Variants in PIAS1 observed in about 807,000 individuals in gnomAD.
The protein encoded by PIAS1 is protein inhibitor of activated STAT 1, also known as E3 SUMO-protein ligase PIAS1.
PIAS1 carries 6 observed loss-of-function variants against 71.3 expected under a neutral mutation model. That is an observed-to-expected ratio of 0.08 (90% confidence interval 0.05 to 0.17). PIAS1 has a LOEUF of 0.17. PIAS1 is among the 10% of genes least tolerant of loss of function. The pLI, the probability that PIAS1 is intolerant of heterozygous loss-of-function variation, is 1.00. For synonymous variants in PIAS1, 303 were observed against 292.9 expected (o/e 1.03, Z -0.35); for missense variants, 555 against 793.6 (o/e 0.70, Z 3.61).
intron 2 of PIAS1, among the ~76,000 whole-genome samples, chr15:68,131,596 T>C (rs889782055): frequency 1.3e-5 from 2 of 152,202 alleles, no homozygotes; most frequent in African/African-American, 4.8e-5. Flanking sequence ...GCATGCAGTA[T>C]TTGTCTTTCT....
At chr15:68,069,627 C>T (rs896685527) in intron 1 of PIAS1, among the ~76,000 whole-genome samples, 8 of 151,916 alleles carry the variant, frequency 5.3e-5, no homozygotes, top group African/African-American at 1.7e-4. Flanking sequence ...ACGGTGAAAC[C>T]GCGTCTCTAC....
rs891547582 is a variant in PIAS1 at position 68,189,465 on chromosome 15, T to C, written c.*1630T>C. ...TTTAAACCTTGCATTGGTAACAAAATGATCAACTTTAATCCAGGTAGAATT... is the reference window on the plus strand; with the variant it reads ...TTTAAACCTTGCATTGGTAACAAAACGATCAACTTTAATCCAGGTAGAATT... On this transcript the variant is annotated 3_prime_UTR_variant, in exon 14 of 14. Transcript: ENST00000249636. The C allele has an allele frequency of 6.6e-6, 1 of 152,200 alleles. No homozygotes were observed. The highest frequency in any genetic ancestry group is 1.5e-5 in the Non-Finnish European group (1 of 68,030). 9.4% of individuals were successfully genotyped at this position (152,200 alleles called of 1,614,324 possible). A position where few individuals can be genotyped will look rare whatever the true frequency, so the allele number is the denominator to read the frequency against.
intron 8 of PIAS1, among the ~76,000 whole-genome samples, chr15:68,166,817 T>C (rs1342968148): frequency 6.6e-6 from 1 of 152,234 alleles, no homozygotes; most frequent in African/African-American, 2.4e-5. Flanking sequence ...CATTTTGCTC[T>C]TTGCACCTTT....
chr15:68,142,797 A>G (rs1359988126), intron 4 of PIAS1, among the ~76,000 whole-genome samples: 3 of 152,148 alleles, frequency 2.0e-5, no homozygotes, highest in Non-Finnish European at 4.4e-5. Context: ...AGTACTGTGG[A>G]TAAGGAATTA....
intron 2 of PIAS1, among the ~76,000 whole-genome samples, chr15:68,111,666 A>G (rs1194873337): frequency 1.3e-5 from 2 of 152,196 alleles, no homozygotes; most frequent in African/African-American, 4.8e-5. Flanking sequence ...ATGCATAGAT[A>G]ATATTTAAAT....
chr15:68,099,016 G>A (rs375631997), intron 2 of PIAS1, among the ~76,000 whole-genome samples: 4 of 151,882 alleles, frequency 2.6e-5, no homozygotes, highest in African/African-American at 7.3e-5. Flanking sequence ...TTTTCCTCCT[G>A]TGCCTTCAAC....
At chr15:68,125,348 C>T (rs1361510933) in intron 2 of PIAS1, among the ~76,000 whole-genome samples, 3 of 152,158 alleles carry the variant, frequency 2.0e-5, no homozygotes, top group African/African-American at 7.2e-5. Flanking sequence ...ACACAGGATA[C>T]TCTGTCATCT....
chr15:68,117,036 A>T (rs999958511), intron 2 of PIAS1, among the ~76,000 whole-genome samples: 4 of 152,158 alleles, frequency 2.6e-5, no homozygotes, highest in African/African-American at 9.7e-5. Context: ...TGATGAGGAC[A>T]TTGAAAAACC....
At chr15:68,080,905 G>A (rs2092222707) in intron 1 of PIAS1, among the ~76,000 whole-genome samples, 1 of 152,166 alleles carries the variant, frequency 6.6e-6, no homozygotes, top group South Asian at 2.1e-4. Context: ...CCACTGCAGT[G>A]GGATGTGTGA....
intron 2 of PIAS1, among the ~76,000 whole-genome samples, chr15:68,127,693 A>T (rs771563205): frequency 1.3e-5 from 2 of 152,212 alleles, no homozygotes; most frequent in Non-Finnish European, 2.9e-5. Context: ...GAGTAAAAGA[A>T]GATGATGTGC....
intron 1 of PIAS1, among the ~76,000 whole-genome samples, chr15:68,082,131 T>G (rs1198542278): frequency 6.6e-6 from 1 of 152,064 alleles, no homozygotes; most frequent in Non-Finnish European, 1.5e-5. Flanking sequence ...TGAGCCAAAC[T>G]CAGTCGTAAG....
chr15:68,177,278 C>CAAAAAAAAAAAAAAAAAAAA (rs3083984), intron 11 of PIAS1, among the ~76,000 whole-genome samples: 1 of 90,870 alleles, frequency 1.1e-5, no homozygotes, highest in Non-Finnish European at 2.1e-5. Context: ...GACTTTGTCT[C>CAAAAAAAAAAAAAAAAAAAA]AAAAAAAAAA....
intron 1 of PIAS1, among the ~76,000 whole-genome samples, chr15:68,058,988 C>G (rs2091926815): frequency 6.8e-6 from 1 of 147,406 alleles, no homozygotes; most frequent in Admixed American, 6.8e-5. Flanking sequence ...TAGTCCCTGT[C>G]AGATTATTCT....
At chr15:68,149,934 TATAAC>T (rs1163514133) in intron 6 of PIAS1, among the ~76,000 whole-genome samples, 6 of 152,174 alleles carry the variant, frequency 3.9e-5, no homozygotes, top group African/African-American at 1.4e-4. Context: ...CTGCTACTGT[TATAAC>T]ATTATTATAA....
chr15:68,165,792 C>G lies in PIAS1; in HGVS notation c.1008+988C>G, dbSNP rs4511477. ...TGTGAAAAATTTAATAATTAATTACCTTGACATTTTGGTTACTTTTTGTTC... is the reference window on the plus strand; with the variant it reads ...TGTGAAAAATTTAATAATTAATTACGTTGACATTTTGGTTACTTTTTGTTC... On this transcript the variant is annotated intron_variant, in intron 8 of 13. Coordinates refer to ENST00000249636, the MANE Select transcript of PIAS1 (RefSeq NM_016166.3). 3.5e-3 allele frequency among the ~76,000 whole-genome samples: 525 copies of G among 152,022 alleles called. 2 individuals carry two copies. Among genetic ancestry groups the G allele is most frequent in the African/African-American group, 0.012 (490 of 41,480 alleles).
chr15:68,102,044 A>C lies in PIAS1; in HGVS notation c.469+15294A>C, dbSNP rs1275743926. On this transcript the variant is annotated intron_variant, in intron 2 of 13. Coordinates refer to ENST00000249636, the MANE Select transcript of PIAS1 (RefSeq NM_016166.3). ...AGCCACAGTGCCTAGCCAAGTCAAA[A>C]ACCTCTCTGCCTGACTTTAGATTTG... Among the ~76,000 whole-genome samples the C allele has an allele frequency of 2.6e-5, 4 of 152,064 alleles. No homozygotes were observed. In the South Asian group the frequency reaches 6.2e-4, roughly 24 times the overall value.
At chr15:68,134,970 A>T (rs1423739762) in intron 2 of PIAS1, among the ~76,000 whole-genome samples, 1 of 21,828 alleles carries the variant, frequency 4.6e-5, no homozygotes, top group Non-Finnish European at 1.6e-4. Flanking sequence ...CGGGGGGGCT[A>T]ACCCCCCCCA....
At chr15:68,124,881 A>G (rs908559934) in intron 2 of PIAS1, among the ~76,000 whole-genome samples, 6 of 152,310 alleles carry the variant, frequency 3.9e-5, no homozygotes, top group Admixed American at 6.5e-5. Flanking sequence ...AAAAAAATGT[A>G]TAAGTAATAT....
chr15:68,103,869 G>A (rs78143449), intron 2 of PIAS1, among the ~76,000 whole-genome samples: 4,091 of 152,260 alleles, frequency 0.027, 174 homozygotes, highest in African/African-American at 0.092. Context: ...GGGCATCTGA[G>A]TTGTTTCCAC....
Sources: gnomAD v4.1 joint callset for allele counts (sites outside exome capture counted in the v4.1 genomes callset) on GRCh38, gnomAD v4.1.1 for gene constraint, MANE v1.5 for transcripts, NCBI Gene and HGNC (gene_info 2026-07-23, HGNC 2026-07-21) for gene names.